RFX3: variants seen among roughly 807,000 people sequenced by gnomAD.
The protein encoded by RFX3 is transcription factor RFX3.
Under a neutral mutation model 98.6 loss-of-function variants are expected in RFX3, and 14 were observed. That is an observed-to-expected ratio of 0.14 (90% CI 0.09 to 0.22). RFX3 has a LOEUF of 0.22. RFX3 is among the 10% of genes least tolerant of loss of function. The pLI, the probability that RFX3 is intolerant of heterozygous loss-of-function variation, is 1.00. For synonymous variants in RFX3, 383 were observed against 328.4 expected, an observed-to-expected ratio of 1.17 and a Z score of -1.80; for missense variants, 639 against 926.9, an observed-to-expected ratio of 0.69 and a Z score of 4.03.
At chr9:3,249,154 C>G (rs1821060450) in intron 14 of RFX3, among the ~76,000 whole-genome samples, 2 of 152,104 alleles carry the variant, frequency 1.3e-5, no homozygotes, top group South Asian at 4.1e-4. Context: ...GAGGTAAAAA[C>G]TCACCTATGC....
intron 1 of RFX3, among the ~76,000 whole-genome samples, chr9:3,510,099 A>C (rs184517062): frequency 1.8e-4 from 27 of 152,130 alleles, no homozygotes; most frequent in African/African-American, 6.5e-4. Context: ...TCACCTCTCT[A>C]ATCTGCTGTA....
chr9:3,312,942 G>C (rs1830136588), intron 4 of RFX3, among the ~76,000 whole-genome samples: 1 of 152,162 alleles, frequency 6.6e-6, no homozygotes, highest in Admixed American at 6.5e-5. Context: ...CTGTGGGCAG[G>C]GCATAGCTGA....
At chr9:3,344,948 T>G in intron 3 of RFX3, 1 of 651,386 alleles carries the variant, frequency 1.5e-6, no homozygotes, top group Non-Finnish European at 2.8e-6. Context: ...AGGTATAGAT[T>G]TAATACGGTA....
At chr9:3,453,292 G>A (rs977338140) in intron 1 of RFX3, among the ~76,000 whole-genome samples, 8 of 151,856 alleles carry the variant, frequency 5.3e-5, no homozygotes, top group African/African-American at 7.3e-5. Flanking sequence ...ATTATTATTC[G>A]CAGTTCATTA....
At chr9:3,366,601 C>T (rs1030213154) in intron 2 of RFX3, among the ~76,000 whole-genome samples, 21 of 151,764 alleles carry the variant, frequency 1.4e-4, no homozygotes, top group African/African-American at 4.8e-4. Flanking sequence ...TCTTTCTCTA[C>T]CACTAGTCTG....
At chr9:3,389,482 A>G (rs1425670887) in intron 2 of RFX3, among the ~76,000 whole-genome samples, 2 of 152,118 alleles carry the variant, frequency 1.3e-5, no homozygotes, top group East Asian at 3.9e-4. Flanking sequence ...TTGGGCAACA[A>G]TGTCTATATT....
intron 1 of RFX3, among the ~76,000 whole-genome samples, chr9:3,518,661 G>T (rs2133906831): frequency 6.6e-6 from 1 of 152,098 alleles, no homozygotes; most frequent in Non-Finnish European, 1.5e-5. Flanking sequence ...TAGAAATAAA[G>T]GAAATTACTG....
chr9:3,302,443 C>G (rs1394760958), intron 4 of RFX3, among the ~76,000 whole-genome samples: 5 of 151,704 alleles, frequency 3.3e-5, no homozygotes. Flanking sequence ...CTTTCAACTC[C>G]TGGTAGTATT....
intron 7 of RFX3, among the ~76,000 whole-genome samples, chr9:3,279,242 T>C (rs890376901): frequency 1.3e-5 from 2 of 151,782 alleles, no homozygotes; most frequent in African/African-American, 2.4e-5. Context: ...CTTTTCCTTA[T>C]TGATTCATTC....
intron 1 of RFX3, among the ~76,000 whole-genome samples, chr9:3,478,616 C>G (rs1350435039): frequency 6.6e-6 from 1 of 152,148 alleles, no homozygotes; most frequent in African/African-American, 2.4e-5. Context: ...ACAAATAGCA[C>G]TGATTTTCAC....
chr9:3,504,887 AATATAACATATATTATAT>A (rs1816677206), intron 1 of RFX3, among the ~76,000 whole-genome samples: 3 of 63,176 alleles, frequency 4.7e-5, no homozygotes, highest in East Asian at 9.8e-4. Flanking sequence ...TATTATATAT[AATATAACATATATTATAT>A]ATATATATAA....
At position 3,382,722 on chromosome 9, in the gene RFX3, T is replaced by C. The variant is rs145841210; in HGVS notation, c.117+12750A>G. 6.0e-3 allele frequency among the ~76,000 whole-genome samples: 907 copies of C among 152,306 alleles called. 10 individuals carry two copies. Among genetic ancestry groups the C allele is most frequent in the African/African-American group, 0.021 (871 of 41,560 alleles). ...TGTAATTCTTAATTAACATCTGTTTTATGTGTTTTTCAAACAAATTTATTT... is the reference window on the plus strand; with the variant it reads ...TGTAATTCTTAATTAACATCTGTTTCATGTGTTTTTCAAACAAATTTATTT... On this transcript the variant is annotated intron_variant, in intron 2 of 16. Coordinates refer to ENST00000617270, the MANE Select transcript of RFX3 (RefSeq NM_001282116.2).
intron 1 of RFX3, among the ~76,000 whole-genome samples, chr9:3,415,327 G>C (rs1431514474): frequency 6.6e-6 from 1 of 150,850 alleles, no homozygotes; most frequent in Non-Finnish European, 1.5e-5. Context: ...CAATCCTCTT[G>C]CCTCAGTCTC....
chr9:3,482,498 C>T (rs1376061174), intron 1 of RFX3, among the ~76,000 whole-genome samples: 1 of 152,144 alleles, frequency 6.6e-6, no homozygotes, highest in Admixed American at 6.6e-5. Context: ...TTTATAATTG[C>T]AATTTAATAA....
chr9:3,478,421 T>G (rs1231059590), intron 1 of RFX3, among the ~76,000 whole-genome samples: 1 of 151,884 alleles, frequency 6.6e-6, no homozygotes, highest in South Asian at 2.1e-4. Flanking sequence ...TTTTTTTTTT[T>G]TTTTTTTAGG....
intron 2 of RFX3, among the ~76,000 whole-genome samples, chr9:3,361,429 G>A (rs76750798): frequency 0.071 from 10,752 of 151,948 alleles, 468 homozygotes; most frequent in African/African-American, 0.12. Context: ...AAAAGCATAC[G>A]GGAAAAACTG....
intron 2 of RFX3, among the ~76,000 whole-genome samples, chr9:3,367,383 G>C (rs908657362): frequency 6.6e-6 from 1 of 152,130 alleles, no homozygotes; most frequent in African/African-American, 2.4e-5. Flanking sequence ...AACTCAATGA[G>C]CTTGGAATGG....
At chr9:3,236,385 T>C (rs909804850) in intron 15 of RFX3, among the ~76,000 whole-genome samples, 6 of 152,264 alleles carry the variant, frequency 3.9e-5, no homozygotes, top group Admixed American at 3.3e-4. Context: ...AACCAAAATA[T>C]ACTGAGGGAT....
chr9:3,414,135 G>C (rs965007611), intron 1 of RFX3, among the ~76,000 whole-genome samples: 6 of 152,066 alleles, frequency 3.9e-5, no homozygotes, highest in African/African-American at 1.4e-4. Flanking sequence ...GTTCCAGAAA[G>C]ATCAAATACT....
Sources: allele counts gnomAD v4.1 joint callset (sites outside exome capture counted in the v4.1 genomes callset), GRCh38; gene constraint gnomAD v4.1.1; transcripts MANE v1.5; gene names NCBI Gene and HGNC (gene_info 2026-07-23, HGNC 2026-07-21).